ASIC2: variants seen among roughly 807,000 people sequenced by gnomAD.
ASIC2 encodes acid-sensing ion channel 2.
ASIC2 carries 25 observed loss-of-function variants against 57.3 expected under a neutral mutation model. The ratio of observed to expected loss-of-function variants is 0.44; its 90% CI spans 0.32 to 0.61. The LOEUF (loss-of-function observed/expected upper bound fraction) is 0.61. ASIC2 is among the 20% of genes least tolerant of loss of function. ASIC2 has a pLI of 0.06. For missense variants in ASIC2, 641 were observed against 738.1 expected (o/e 0.87, Z 1.52); for synonymous variants, 319 against 307.5 (o/e 1.04, Z -0.39).
intron 1 of ASIC2, among the ~76,000 whole-genome samples, chr17:34,031,417 C>G (rs187782329): frequency 6.6e-6 from 1 of 152,096 alleles, no homozygotes; most frequent in African/African-American, 2.4e-5. Context: ...GGGAAAAAAA[C>G]GGAGGAGAAA....
chr17:34,099,166 A>AGAGAG, intron 1 of ASIC2, among the ~76,000 whole-genome samples: 1 of 5,958 alleles, frequency 1.7e-4, no homozygotes, highest in African/African-American at 2.7e-4. Flanking sequence ...GAGAGAGAGA[A>AGAGAG]AGAAAGAAAG....
intron 1 of ASIC2, among the ~76,000 whole-genome samples, chr17:33,189,489 ACAGTGGTCTGCACATCCCAATTAAGGG>A (rs1418329214): frequency 6.6e-6 from 1 of 152,196 alleles, no homozygotes; most frequent in African/African-American, 2.4e-5. Context: ...CACATTATAT[ACAGTGGTCTGCACATCCCAATTAAGGG>A]CAGAGACTGT....
At chr17:33,624,559 A>C (rs1351458951) in intron 1 of ASIC2, among the ~76,000 whole-genome samples, 1 of 152,220 alleles carries the variant, frequency 6.6e-6, no homozygotes, top group Non-Finnish European at 1.5e-5. Flanking sequence ...TTCTAGGACA[A>C]ACATACACAG....
rs182464621 is a variant in ASIC2 at position 33,062,561 on chromosome 17, T to C, written c.987+26302A>G. Among the ~76,000 whole-genome samples, 215 of 152,342 alleles carry C rather than the reference T, an allele frequency of 1.4e-3. 1 individual carries two copies. Among genetic ancestry groups the C allele is most frequent in the Middle Eastern group, 6.8e-3 (2 of 294 alleles). Reference sequence around the variant, plus strand: ...ATAATTTCTGTTCTTTTACACTTGCTGAGGAGTGCTTTACTTCCAACTATG... The same window carrying C: ...ATAATTTCTGTTCTTTTACACTTGCCGAGGAGTGCTTTACTTCCAACTATG... On this transcript the variant is annotated intron_variant, in intron 3 of 9. Coordinates refer to ENST00000225823, the MANE Select transcript of ASIC2 (RefSeq NM_183377.2).
At chr17:33,830,556 T>A (rs577509239) in intron 1 of ASIC2, among the ~76,000 whole-genome samples, 912 of 8,424 alleles carry the variant, frequency 0.11, 6 homozygotes, top group South Asian at 0.16. Flanking sequence ...TTAAAAAAAT[T>A]TTTTTTTTAC....
At chr17:34,054,878 GGAGA>G (rs144918933) in intron 1 of ASIC2, among the ~76,000 whole-genome samples, 2,016 of 152,304 alleles carry the variant, frequency 0.013, 39 homozygotes, top group African/African-American at 0.047. Context: ...CTTCTAGTGA[GGAGA>G]TAGATGAGCA....
At chr17:33,814,016 T>C (rs1210852405) in intron 1 of ASIC2, among the ~76,000 whole-genome samples, 1 of 151,906 alleles carries the variant, frequency 6.6e-6, no homozygotes, top group Non-Finnish European at 1.5e-5. Flanking sequence ...ATGATTCAGG[T>C]GGGTAGGTTC....
At chr17:33,346,944 G>GAC (rs968261483) in intron 1 of ASIC2, among the ~76,000 whole-genome samples, 2 of 152,176 alleles carry the variant, frequency 1.3e-5, no homozygotes, top group African/African-American at 4.8e-5. Flanking sequence ...GGACAGTACA[G>GAC]ACACCTTTTC....
chr17:33,355,458 T>G (rs936537108), intron 1 of ASIC2, among the ~76,000 whole-genome samples: 5 of 151,468 alleles, frequency 3.3e-5, no homozygotes, highest in Admixed American at 3.3e-4. Context: ...AGGTTTCCAT[T>G]GCATAGTGTC....
chr17:33,017,336 C>T lies in ASIC2; in HGVS notation c.1521+269G>A, dbSNP rs538426442. On this transcript the variant is annotated intron_variant, in intron 8 of 9. Transcript: ENST00000225823. The stretch of plus-strand genomic sequence containing the variant: ...CCCCCTTCCCCTCATCCCTCCCCAT[C>T]CTTCCCTGCCAGTGTAGATGGCCCA... Among the ~76,000 whole-genome samples, 3 of 152,350 alleles carry T rather than the reference C, an allele frequency of 2.0e-5. No individual in the cohort carries two copies. In the East Asian group the frequency reaches 5.8e-4, roughly 29 times the overall value.
chr17:33,140,732 A>G (rs754714836), intron 1 of ASIC2, among the ~76,000 whole-genome samples: 4 of 152,246 alleles, frequency 2.6e-5, no homozygotes, highest in Non-Finnish European at 5.9e-5. Context: ...CCAGAGCCCA[A>G]GCCTTGTCCT....
intron 1 of ASIC2, among the ~76,000 whole-genome samples, chr17:33,940,867 C>T (rs950926285): frequency 2.0e-5 from 3 of 152,210 alleles, no homozygotes; most frequent in Admixed American, 6.5e-5. Flanking sequence ...GGCATATGAC[C>T]GCCCCGTGGC....
intron 1 of ASIC2, among the ~76,000 whole-genome samples, chr17:33,969,626 A>T (rs1475439582): frequency 6.6e-6 from 1 of 152,190 alleles, no homozygotes; most frequent in Admixed American, 6.5e-5. Context: ...CTGGGCGACA[A>T]TGTGAACATG....
chr17:34,132,902 G>T (rs1912032562), intron 1 of ASIC2, among the ~76,000 whole-genome samples: 1 of 152,174 alleles, frequency 6.6e-6, no homozygotes, highest in Non-Finnish European at 1.5e-5. Context: ...AGACAGTGAG[G>T]GTAGGGCTCC....
chr17:33,447,603 C>G (rs1250474222), intron 1 of ASIC2, among the ~76,000 whole-genome samples: 1 of 152,184 alleles, frequency 6.6e-6, no homozygotes, highest in African/African-American at 2.4e-5. Flanking sequence ...AGAGTCAGGC[C>G]TAGAACACTG....
intron 1 of ASIC2, among the ~76,000 whole-genome samples, chr17:33,235,404 G>C (rs1449812091): frequency 4.6e-5 from 7 of 152,200 alleles, no homozygotes. Flanking sequence ...GCCAGGATGA[G>C]TCATGCATGG....
chr17:33,231,966 CTA>C (rs1409563490), intron 1 of ASIC2, among the ~76,000 whole-genome samples: 2 of 152,172 alleles, frequency 1.3e-5, no homozygotes, highest in Non-Finnish European at 2.9e-5. Context: ...ATCTCCAGCA[CTA>C]TGTTAGATAC....
intron 1 of ASIC2, among the ~76,000 whole-genome samples, chr17:34,093,247 A>G (rs1338264837): frequency 6.6e-6 from 1 of 151,940 alleles, no homozygotes; most frequent in Non-Finnish European, 1.5e-5. Flanking sequence ...TCTAGCTCAC[A>G]CCTTTCCCAC....
At chr17:34,130,545 T>A (rs950194896) in intron 1 of ASIC2, among the ~76,000 whole-genome samples, 6 of 152,194 alleles carry the variant, frequency 3.9e-5, no homozygotes, top group African/African-American at 1.4e-4. Flanking sequence ...AAAGATATAG[T>A]CCCTGTTGAA....
Sources: gnomAD v4.1 joint callset for allele counts (sites outside exome capture counted in the v4.1 genomes callset) on GRCh38, gnomAD v4.1.1 for gene constraint, MANE v1.5 for transcripts, NCBI Gene and HGNC (gene_info 2026-07-23, HGNC 2026-07-21) for gene names.